GDF9: variants seen among roughly 807,000 people sequenced by gnomAD.
GDF9 encodes the protein growth differentiation factor 9, also known as growth/differentiation factor 9.
A neutral mutation model predicts 33.8 loss-of-function variants in GDF9; 30 were observed. That is an observed-to-expected ratio of 0.89 (90% CI 0.66 to 1.20). GDF9 has a LOEUF of 1.20. Ranked by LOEUF, GDF9 falls within the 50% of genes most tolerant of loss-of-function variation. The probability of loss-of-function intolerance (pLI) is 0.00; values close to 1 mark genes in which losing one functional copy is unlikely to be tolerated. For missense variants in GDF9, 556 were observed against 543.7 expected (o/e 1.02, Z -0.22); for synonymous variants, 205 against 200.7 (o/e 1.02, Z -0.18).
Position 132,865,123 on chromosome 5 carries a change from G to C in GDF9, c.-590C>G, listed in dbSNP as rs1759522181. 1 of 154,336 alleles carries C rather than the reference G, an allele frequency of 6.5e-6. No homozygotes were observed. Among genetic ancestry groups the C allele is most frequent in the Non-Finnish European group, 1.4e-5 (1 of 69,378 alleles). 9.6% of individuals were successfully genotyped at this position (154,336 alleles called of 1,614,324 possible). A position where few individuals can be genotyped will look rare whatever the true frequency, so the allele number is the denominator to read the frequency against. On this transcript the variant is annotated 5_prime_UTR_variant, in exon 1 of 2. Transcript: ENST00000687138. ...CGAATTTACAAATTTGGGTGAGAAA[G>C]TCACAATTGGCATAGAAGTTCCAGA...
chr5:132,862,632 A>G, intron 1 of GDF9, 76 bp from the exon 2 acceptor site: 3 of 1,052,942 alleles, frequency 2.8e-6, no homozygotes, highest in Non-Finnish European at 4.3e-6. Context: ...AAGAATTAGT[A>G]CTTCATAATA....
chr5:132,861,844 C>A lies in GDF9; in HGVS notation c.1110G>T (p.Trp370Cys). 6.2e-7 allele frequency: 1 copy of A among 1,614,110 alleles called. No homozygotes were observed. Among genetic ancestry groups the A allele is most frequent in the South Asian group, 1.1e-5 (1 of 91,082 alleles). The change falls in exon 2 of 2, where the codon TGG becomes TGT. Residue 370 changes from tryptophan (W) to cysteine (C), a missense_variant. By Grantham distance (215) the Trp-to-Cys change is radical. Coordinates refer to ENST00000687138, the MANE Select transcript of GDF9 (RefSeq NM_005260.7). ...LSFSQLKWDN[W>C]IVAPHRYNPR... ...GGTTGTACCTGTGCGGAGCCACAAT[C>A]CAGTTGTCCCACTTCAGCTGACTAA...
Position 132,861,611 on chromosome 5 carries a change from G to A in GDF9, c.1343C>T (p.Ala448Val). The change falls in exon 2 of 2, where the codon GCT becomes GTT. Residue 448 changes from alanine (A) to valine (V), a missense_variant. By Grantham distance (64) the Ala-to-Val change is moderately conservative. Transcript: ENST00000687138. ...IAYKEYEDMIATKCTCR is the reference protein window; with the variant it reads ...IAYKEYEDMIVTKCTCR ...TTGTTAACGACAGGTGCACTTTGTA[G>A]CTATCATATCTTCGTACTCTTTATA... 1.2e-6 allele frequency: 2 copies of A among 1,613,442 alleles called. No individual in the cohort carries two copies. The highest frequency in any genetic ancestry group is 1.7e-6 in the Non-Finnish European group (2 of 1,179,322).
At chr5:132,862,760 T>C (rs1759358813) in intron 1 of GDF9, among the ~76,000 whole-genome samples, 2 of 152,294 alleles carry the variant, frequency 1.3e-5, no homozygotes, top group South Asian at 4.1e-4. Context: ...TACTGGACAT[T>C]TTATCTCCAG....
chr5:132,866,628 T>A (rs1759622808), upstream of GDF9: 1 of 576,388 alleles, frequency 1.7e-6, no homozygotes, highest in African/African-American at 1.9e-5. Flanking sequence ...GCTTCCAACC[T>A]TGCCGGAAAT....
chr5:132,866,581 G>C, upstream of GDF9: 1 of 490,782 alleles, frequency 2.0e-6, no homozygotes, highest in Non-Finnish European at 3.7e-6. Context: ...TAGGAAAATG[G>C]TATCTCCCGG....
chr5:132,863,807 G>A (rs1000073220), intron 1 of GDF9, among the ~76,000 whole-genome samples: 1 of 152,194 alleles, frequency 6.6e-6, no homozygotes, highest in African/African-American at 2.4e-5. Flanking sequence ...ACCAATAGCT[G>A]TAAGAGATGT....
In GDF9 at chr5:132,864,240, G is replaced by C. The variant is rs781571445; in HGVS notation, c.294C>G (p.Thr98=). 13 of 1,614,148 alleles carry C rather than the reference G, an allele frequency of 8.1e-6. No individual in the cohort carries two copies. The East Asian group carries it at 2.7e-4, about 33-fold the overall frequency. ...TATTGGATTTAGGAATCCCTTCCTTGGTAGCATATGTCTTATAGAGCTTCT... is the reference window on the plus strand; with the variant it reads ...TATTGGATTTAGGAATCCCTTCCTTCGTAGCATATGTCTTATAGAGCTTCT... ...YMKKLYKTYA[T]KEGIPKSNRS... The change falls in exon 1 of 2, where the codon ACC becomes ACG. Residue 98 remains threonine, a synonymous_variant. Transcript: ENST00000687138.
At position 132,866,082 on chromosome 5, in the gene GDF9, T is replaced by A. The variant is rs75061517; in HGVS notation, c.-1549A>T. The A allele has an allele frequency of 0.15, 22,310 of 152,136 alleles. 2,105 individuals carry two copies. Among genetic ancestry groups the A allele is most frequent in the South Asian group, 0.24 (1,152 of 4,840 alleles). The allele number at this position is 152,136 out of a possible 1,614,324, so 9.4% of individuals were successfully genotyped here. ...CCTGCCAGGGGACTCTAAAACAGAG[T>A]CCAAGAGAAGCCTTCGATGTGTGTC... On this transcript the variant is annotated 5_prime_UTR_variant, in exon 1 of 2. Coordinates refer to ENST00000687138, the MANE Select transcript of GDF9 (RefSeq NM_005260.7).
rs1238967707 is a variant in GDF9, at chr5:132,861,327, A to C, written c.*262T>G. The C allele has an allele frequency of 4.6e-6, 2 of 434,608 alleles. No individual in the cohort carries two copies. The highest frequency in any genetic ancestry group is 8.3e-6 in the Non-Finnish European group (2 of 240,522). The allele number at this position is 434,608 out of a possible 1,614,324, so 26.9% of individuals were successfully genotyped here. A position where few individuals can be genotyped will look rare whatever the true frequency, so the allele number is the denominator to read the frequency against. ...GACTCCTATGAAAAGAAAAAAAATC[A>C]CTCAAGGAAAAAAATGTAAAGTTCT... On this transcript the variant is annotated 3_prime_UTR_variant, in exon 2 of 2. Transcript: ENST00000687138.
chr5:132,863,483 G>T (rs1352600947), intron 1 of GDF9, among the ~76,000 whole-genome samples: 1 of 148,094 alleles, frequency 6.8e-6, no homozygotes, highest in Non-Finnish European at 1.5e-5. Context: ...CTCTGTTGCC[G>T]GGCTGGAGAG....
intron 1 of GDF9, among the ~76,000 whole-genome samples, chr5:132,863,577 C>T (rs918715898): frequency 6.6e-6 from 1 of 151,776 alleles, no homozygotes; most frequent in Non-Finnish European, 1.5e-5. Flanking sequence ...GTAGCTGGGA[C>T]TACAGGTATG....
Position 132,861,941 on chromosome 5 carries a change from T to C in GDF9, c.1013A>G (p.Asn338Ser), listed in dbSNP as rs1475914007. The change falls in exon 2 of 2, where the codon AAT becomes AGT. Residue 338 changes from asparagine to serine, a missense_variant. By Grantham distance (46) the Asn-to-Ser change is conservative. Transcript: ENST00000687138. The stretch of plus-strand genomic sequence containing the variant: ...AAATTGTCTGAAGTATTCACTCAGA[T>C]TGAAGGAAGCTGGGCCCAAGGGCTT... ...LKKPLGPASF[N>S]LSEYFRQFLL... 6.2e-7 allele frequency: 1 copy of C among 1,614,080 alleles called. No individual in the cohort carries two copies.
rs1424843893 is a variant in GDF9 at position 132,864,905 on chromosome 5, A to G, written c.-372T>C. The G allele has an allele frequency of 4.2e-6, 1 of 239,946 alleles. No homozygotes were observed. The highest frequency in any genetic ancestry group is 8.2e-6 in the Non-Finnish European group (1 of 122,270). The allele number at this position is 239,946 out of a possible 1,614,324, so 14.9% of individuals were successfully genotyped here. A position where few individuals can be genotyped will look rare whatever the true frequency, so the allele number is the denominator to read the frequency against. Reference sequence around the variant, plus strand: ...ATCTCTCATTTTTTGAGAAATTTGGATTAAGATGTTCGCTAGGTGCTTGCT... The same window carrying G: ...ATCTCTCATTTTTTGAGAAATTTGGGTTAAGATGTTCGCTAGGTGCTTGCT... On this transcript the variant is annotated 5_prime_UTR_variant, in exon 1 of 2. Transcript: ENST00000687138.
chr5:132,861,777 G>A lies in GDF9; in HGVS notation c.1177C>T (p.Arg393Trp), dbSNP rs779279480. 1.1e-5 allele frequency: 17 copies of A among 1,610,164 alleles called. No homozygotes were observed. Among genetic ancestry groups the A allele is most frequent in the East Asian group, 4.5e-5 (2 of 44,884 alleles). The change falls in exon 2 of 2, where the codon CGG becomes TGG. Residue 393 changes from arginine to tryptophan, a missense_variant. Coordinates refer to ENST00000687138, the MANE Select transcript of GDF9 (RefSeq NM_005260.7). ...ATGGTGTGAACTGGAGAGCCATACC[G>A]ATGTCCAACTGCCCTTGGACAGTCC... ...KGDCPRAVGH[R>W]YGSPVHTMVQ... is the part of the protein sequence containing the mutation.
rs551695764 is a variant in GDF9 at position 132,864,541 on chromosome 5, G to A, written c.-8C>T. 1.0e-4 allele frequency: 161 copies of A among 1,603,172 alleles called. 5 individuals carry two copies. In the South Asian group the frequency reaches 1.5e-3, roughly 15 times the overall value. ...TTTGTTGGGACGTGCCATGGCTTGG[G>A]AGAACTAGTGAGGAACATATTTCTC... On this transcript the variant is annotated 5_prime_UTR_variant, in exon 1 of 2. Transcript: ENST00000687138.
At position 132,864,364 on chromosome 5, in the gene GDF9, T is replaced by C; in HGVS notation, c.170A>G (p.Asp57Gly). Reference sequence around the variant, plus strand: ...AAGCGCGGGAAGGAGGCCAGCTCTGTCTCTCTCATCTATATGCTGCAGCAA... The same window carrying C: ...AAGCGCGGGAAGGAGGCCAGCTCTGCCTCTCTCATCTATATGCTGCAGCAA... ...WSLLQHIDERDRAGLLPALFK... is the reference protein window; with the variant it reads ...WSLLQHIDERGRAGLLPALFK... Residue 57 changes from aspartate to glycine, a missense_variant, in exon 1 of 2, where the codon GAC becomes GGC. By Grantham distance (94) the Asp-to-Gly change is moderately conservative. Coordinates refer to ENST00000687138, the MANE Select transcript of GDF9 (RefSeq NM_005260.7). 2 of 1,614,106 alleles carry C rather than the reference T, an allele frequency of 1.2e-6. No individual in the cohort carries two copies. The highest frequency in any genetic ancestry group is 1.7e-6 in the Non-Finnish European group (2 of 1,180,020).
At chr5:132,863,023 C>A (rs1243934466) in intron 1 of GDF9, among the ~76,000 whole-genome samples, 1 of 151,990 alleles carries the variant, frequency 6.6e-6, no homozygotes, top group Non-Finnish European at 1.5e-5. Context: ...GACAAGGTCT[C>A]GCCATGTTGC....
At chr5:132,863,712 G>T (rs1229637672) in intron 1 of GDF9, among the ~76,000 whole-genome samples, 1 of 152,104 alleles carries the variant, frequency 6.6e-6, no homozygotes, top group Non-Finnish European at 1.5e-5. Context: ...TTCTTGTAAG[G>T]GCCAACTGTT....
Sources: allele counts gnomAD v4.1 joint callset (sites outside exome capture counted in the v4.1 genomes callset), GRCh38; gene constraint gnomAD v4.1.1; transcripts MANE v1.5; gene names NCBI Gene and HGNC (gene_info 2026-07-23, HGNC 2026-07-21).